Variants in PRDM5 observed in about 807,000 individuals in gnomAD.
The protein encoded by PRDM5 is PR domain zinc finger protein 5.
Under a neutral mutation model 81.2 loss-of-function variants are expected in PRDM5, and 56 were observed. That is an observed-to-expected ratio of 0.69 (90% CI 0.56 to 0.86). The LOEUF is 0.86. PRDM5 is among the 40% of genes least tolerant of loss of function. The probability of loss-of-function intolerance (pLI) is 0.00; values close to 1 mark genes in which losing one functional copy is unlikely to be tolerated. For missense variants in PRDM5, 697 were observed against 770.1 expected, an observed-to-expected ratio of 0.91 and a Z score of 1.12; for synonymous variants, 267 against 256.4, an observed-to-expected ratio of 1.04 and a Z score of -0.39.
At chr4:120,911,118 A>C (rs1766456372) in intron 1 of PRDM5, among the ~76,000 whole-genome samples, 1 of 152,192 alleles carries the variant, frequency 6.6e-6, no homozygotes, top group Non-Finnish European at 1.5e-5. Flanking sequence ...AACCATAAAC[A>C]TGTAAATGAT....
In PRDM5 at chr4:120,821,185, G is replaced by A. The variant is rs781185514; in HGVS notation, c.461C>T (p.Thr154Ile). ...AGATGCAATACCTTTTCTGCCCGCT[G>A]TTGATTGTCTTCTAGAATTTTCAAC... ...GEVENSRRQS[T>I]AGRKDRLGCK... The change falls in exon 4 of 16, where the codon ACA (threonine) becomes ATA (isoleucine). Residue 154 changes from threonine (T) to isoleucine (I), a missense_variant. Physicochemically the swap from Thr to Ile is moderately conservative, Grantham distance 89 (BLOSUM62 -1). This residue lies in a region of PRDM5 where 577 missense variants were observed against 606.7 expected (regional missense o/e 0.95). Coordinates refer to ENST00000264808, the MANE Select transcript of PRDM5 (RefSeq NM_018699.4). 9 of 1,613,994 alleles carry A rather than the reference G, an allele frequency of 5.6e-6. No homozygotes were observed. In the East Asian group the frequency reaches 8.9e-5, roughly 16 times the overall value.
At chr4:120,818,928 C>A (rs952767130) in intron 4 of PRDM5, among the ~76,000 whole-genome samples, 3 of 152,148 alleles carry the variant, frequency 2.0e-5, no homozygotes, top group African/African-American at 7.2e-5. Flanking sequence ...CAAGGAGAAT[C>A]TCACATACAT....
At chr4:120,765,503 G>T (rs1208625881) in intron 13 of PRDM5, among the ~76,000 whole-genome samples, 2 of 152,166 alleles carry the variant, frequency 1.3e-5, no homozygotes, top group Admixed American at 6.5e-5. Flanking sequence ...TAAACCAACA[G>T]GAGACTGTGC....
intron 12 of PRDM5, among the ~76,000 whole-genome samples, chr4:120,779,985 TA>T (rs1463766526): frequency 6.6e-6 from 1 of 151,840 alleles, no homozygotes; most frequent in Non-Finnish European, 1.5e-5. Context: ...TATGTACCCA[TA>T]AAAATTAAAT....
rs146899694 is a variant in PRDM5, at chr4:120,853,560, T to C, written c.178-20A>G. On this transcript the variant is annotated intron_variant, in intron 2 of 15. Transcript: ENST00000264808. ...ACGAACCTGAAACATTAAAGGCTCC[T>C]GAGTTTACAATGGAAGTCAGAATAT... The C allele has an allele frequency of 1.2e-6, 2 of 1,613,462 alleles. No individual in the cohort carries two copies. The highest frequency in any genetic ancestry group is 1.7e-6 in the Non-Finnish European group (2 of 1,179,506).
chr4:120,735,787 C>T (rs1398625794), intron 14 of PRDM5, among the ~76,000 whole-genome samples: 1 of 152,010 alleles, frequency 6.6e-6, no homozygotes, highest in Non-Finnish European at 1.5e-5. Flanking sequence ...GACAGGATAA[C>T]AAAAAATTGT....
intron 4 of PRDM5, among the ~76,000 whole-genome samples, chr4:120,819,155 T>C (rs1027602942): frequency 6.6e-6 from 1 of 152,228 alleles, no homozygotes; most frequent in African/African-American, 2.4e-5. Flanking sequence ...ACTGTCATAA[T>C]ATTACTGGCA....
chr4:120,753,799 A>G (rs960933447), intron 14 of PRDM5, among the ~76,000 whole-genome samples: 1 of 152,220 alleles, frequency 6.6e-6, no homozygotes, highest in African/African-American at 2.4e-5. Context: ...GAAAAGTTGT[A>G]TAGAGCAAAA....
intron 2 of PRDM5, among the ~76,000 whole-genome samples, chr4:120,865,324 T>A (rs1761082186): frequency 6.6e-6 from 1 of 152,178 alleles, no homozygotes; most frequent in Admixed American, 6.6e-5. Flanking sequence ...GAGAAAAACA[T>A]ATGGCCTGTT....
intron 8 of PRDM5, among the ~76,000 whole-genome samples, chr4:120,802,676 A>G (rs999029010): frequency 4.6e-5 from 7 of 152,250 alleles, no homozygotes; most frequent in Non-Finnish European, 1.5e-5. Context: ...TAACAGACAG[A>G]AAGGATATCC....
intron 5 of PRDM5, 43 bp from the exon 6 acceptor site, chr4:120,816,967 C>T: frequency 2.0e-6 from 3 of 1,474,918 alleles, no homozygotes; most frequent in African/African-American, 1.4e-5. Flanking sequence ...AAAACAAAAA[C>T]TGGAACTCTA....
intron 3 of PRDM5, among the ~76,000 whole-genome samples, chr4:120,830,023 G>T (rs940627764): frequency 6.6e-6 from 1 of 152,076 alleles, no homozygotes; most frequent in Non-Finnish European, 1.5e-5. Flanking sequence ...CTTAACCTGT[G>T]TATCGATATG....
At chr4:120,717,941 C>T (rs1432695287) in intron 14 of PRDM5, among the ~76,000 whole-genome samples, 1 of 152,090 alleles carries the variant, frequency 6.6e-6, no homozygotes, top group Non-Finnish European at 1.5e-5. Context: ...TCTTTCATGA[C>T]CGTGATAGCT....
intron 10 of PRDM5, among the ~76,000 whole-genome samples, chr4:120,789,581 G>A (rs72678324): frequency 0.045 from 6,906 of 152,210 alleles, 314 homozygotes; most frequent in Middle Eastern, 0.15. Flanking sequence ...TATTTTTATA[G>A]AGTTTTATTA....
At chr4:120,700,923 G>A (rs1007054279) in intron 15 of PRDM5, among the ~76,000 whole-genome samples, 4 of 152,068 alleles carry the variant, frequency 2.6e-5, no homozygotes, top group African/African-American at 9.7e-5. Context: ...TTAGGAGATC[G>A]AGACCAGCCT....
intron 1 of PRDM5, among the ~76,000 whole-genome samples, chr4:120,913,598 G>A (rs1234585071): frequency 6.6e-6 from 1 of 152,186 alleles, no homozygotes; most frequent in Non-Finnish European, 1.5e-5. Flanking sequence ...TGACCTGAAT[G>A]CAACACCTTT....
chr4:120,884,576 G>A (rs1390171409), intron 2 of PRDM5, among the ~76,000 whole-genome samples: 1 of 152,088 alleles, frequency 6.6e-6, no homozygotes, highest in Non-Finnish European at 1.5e-5. Flanking sequence ...TTCTCTGCCC[G>A]ATACTTTTTA....
At chr4:120,848,259 C>G (rs563228163) in intron 3 of PRDM5, among the ~76,000 whole-genome samples, 5 of 152,178 alleles carry the variant, frequency 3.3e-5, no homozygotes, top group Admixed American at 3.3e-4. Context: ...AATTAACCTG[C>G]TTTGAAAATT....
intron 5 of PRDM5, among the ~76,000 whole-genome samples, chr4:120,817,565 T>C (rs1009452403): frequency 9.9e-5 from 15 of 152,272 alleles, no homozygotes; most frequent in African/African-American, 3.1e-4. Flanking sequence ...ACTTTCATAT[T>C]GGAAGTAATT....
Sources: allele counts gnomAD v4.1 joint callset (sites outside exome capture counted in the v4.1 genomes callset), GRCh38; gene constraint gnomAD v4.1.1; regional missense constraint gnomAD v4.1.1; transcripts MANE v1.5; gene names NCBI Gene and HGNC (gene_info 2026-07-23, HGNC 2026-07-21).